The following STX7 variants were observed in gnomAD, a reference collection of about 807,000 sequenced individuals.
STX7 encodes syntaxin-7.
STX7 carries 34 observed loss-of-function variants against 39.6 expected under a neutral mutation model. The ratio of observed to expected loss-of-function variants is 0.86; its 90% confidence interval spans 0.65 to 1.14. STX7 has a LOEUF of 1.14. STX7 is among the 50% of genes most tolerant of loss of function. The pLI is 0.00. For synonymous variants in STX7, 119 were observed against 99.1 expected (o/e 1.20, Z -1.19); for missense variants, 284 against 310.4 (o/e 0.92, Z 0.64).
At chr6:132,478,137 T>A (rs1423998632) in intron 2 of STX7, among the ~76,000 whole-genome samples, 2 of 151,850 alleles carry the variant, frequency 1.3e-5, no homozygotes, top group Non-Finnish European at 2.9e-5. Context: ...CACGTGTATA[T>A]CTATATAACA....
chr6:132,491,679 T>G (rs949618829), intron 2 of STX7, among the ~76,000 whole-genome samples: 2 of 152,094 alleles, frequency 1.3e-5, no homozygotes, highest in Non-Finnish European at 2.9e-5. Flanking sequence ...GATTCTGTCC[T>G]CCACCCTCCC....
chr6:132,509,944 T>C (rs6931831), intron 1 of STX7, among the ~76,000 whole-genome samples: 12,279 of 152,244 alleles, frequency 0.081, 663 homozygotes, highest in East Asian at 0.16. Context: ...TTGAATACTT[T>C]TGAAAGCCCA....
intron 1 of STX7, among the ~76,000 whole-genome samples, chr6:132,506,696 A>T (rs576306849): frequency 6.6e-6 from 1 of 152,324 alleles, no homozygotes; most frequent in South Asian, 2.1e-4. Flanking sequence ...TGAGACTGTA[A>T]AGTAGTACAA....
chr6:132,503,313 G>A (rs118170658), intron 2 of STX7, 133 bp downstream of exon 2: 435 of 660,986 alleles, frequency 6.6e-4, no homozygotes, highest in Non-Finnish European at 1.0e-3. Context: ...TAAAGAGTTC[G>A]AGCCCTTTAA....
At chr6:132,492,854 C>G (rs1309563081) in intron 2 of STX7, among the ~76,000 whole-genome samples, 1 of 152,168 alleles carries the variant, frequency 6.6e-6, no homozygotes, top group African/African-American at 2.4e-5. Flanking sequence ...GATTATTGAA[C>G]AAAGCAGGGT....
intron 8 of STX7, 85 bp from the exon 9 acceptor site, chr6:132,464,160 G>T: frequency 7.9e-7 from 1 of 1,271,796 alleles, no homozygotes; most frequent in Non-Finnish European, 1.1e-6. Context: ...TTCAAGGTAA[G>T]ATTAAATATG....
intron 1 of STX7, among the ~76,000 whole-genome samples, chr6:132,509,024 T>A (rs748321511): frequency 1.5e-4 from 23 of 152,208 alleles, no homozygotes; most frequent in Non-Finnish European, 3.2e-4. Context: ...ATGAAGAAAC[T>A]GAGGCATATC....
At chr6:132,466,507 T>C (rs1235971556) in intron 8 of STX7, among the ~76,000 whole-genome samples, 3 of 152,172 alleles carry the variant, frequency 2.0e-5, no homozygotes, top group East Asian at 3.8e-4. Context: ...CCATAAACCA[T>C]ACATAAATGA....
chr6:132,470,453 A>G (rs575743969), intron 6 of STX7, 121 bp downstream of exon 6: 46 of 631,802 alleles, frequency 7.3e-5, no homozygotes, highest in African/African-American at 4.9e-4. Context: ...TTTTCAACAT[A>G]TAAACAACTT....
chr6:132,466,192 T>C (rs985263441), intron 8 of STX7, among the ~76,000 whole-genome samples: 1 of 152,206 alleles, frequency 6.6e-6, no homozygotes, highest in Non-Finnish European at 1.5e-5. Flanking sequence ...TACACACTGT[T>C]AAATCCAGTA....
intron 1 of STX7, among the ~76,000 whole-genome samples, chr6:132,505,852 G>A (rs925485280): frequency 2.0e-4 from 30 of 151,322 alleles, no homozygotes; most frequent in African/African-American, 7.0e-4. Flanking sequence ...TACTAAAAGG[G>A]TATAGTAACT....
At chr6:132,505,770 G>GT in intron 1 of STX7, among the ~76,000 whole-genome samples, 1 of 121,156 alleles carries the variant, frequency 8.3e-6, no homozygotes, top group Non-Finnish European at 1.7e-5. Context: ...AAAAACACAG[G>GT]TTTTGAATAG....
chr6:132,485,783 T>C (rs1315523679), intron 2 of STX7, among the ~76,000 whole-genome samples: 4 of 152,230 alleles, frequency 2.6e-5, no homozygotes, highest in Non-Finnish European at 5.9e-5. Flanking sequence ...TTATGTCCTA[T>C]TTGTCATCTG....
Position 132,472,361 on chromosome 6 carries a change from T to C in STX7, c.170A>G (p.Gln57Arg), listed in dbSNP as rs761610600. 9.3e-5 allele frequency: 150 copies of C among 1,612,006 alleles called. No homozygotes were observed. The highest frequency in any genetic ancestry group is 1.2e-4 in the Non-Finnish European group (146 of 1,179,478). ...ELRQQLQQKQQYTNQLAKETD... is the reference protein window; with the variant it reads ...ELRQQLQQKQRYTNQLAKETD... ...TTCTTTGGCAAGCTGGTTAGTATAC[T>C]GCTGCTTCTGTTGCCTAAAGTGAGA... The change falls in exon 4 of 10, where the codon CAG becomes CGG. Residue 57 changes from glutamine to arginine, a missense_variant. Physicochemically the swap from Gln to Arg is conservative, Grantham distance 43. Transcript: ENST00000367941.
chr6:132,490,860 TGGG>T (rs1775262509), intron 2 of STX7, among the ~76,000 whole-genome samples: 1 of 152,018 alleles, frequency 6.6e-6, no homozygotes, highest in Non-Finnish European at 1.5e-5. Context: ...CTGTGCATCT[TGGG>T]GCCGATGAAG....
At position 132,475,567 on chromosome 6, in the gene STX7, TTTTA is replaced by T. The variant is rs760379682; in HGVS notation, c.155+22_155+25del. ...ATAGCAATAGAGTTTTTTCTTTCTCTTTTATTTATTTAACTAGATACTTACAACT... is the reference window on the plus strand; with the variant it reads ...ATAGCAATAGAGTTTTTTCTTTCTCTTTTATTTAACTAGATACTTACAACT... On this transcript the variant is annotated intron_variant, in intron 3 of 9. Transcript: ENST00000367941. The T allele has an allele frequency of 5.6e-5, 85 of 1,527,044 alleles. No individual in the cohort carries two copies. The African/African-American group carries it at 9.7e-4, about 17-fold the overall frequency. The allele number at this position is 1,527,044 out of a possible 1,614,324, so 94.6% of individuals were successfully genotyped here.
intron 2 of STX7, among the ~76,000 whole-genome samples, chr6:132,478,058 G>T (rs538766196): frequency 7.7e-4 from 116 of 151,002 alleles, no homozygotes; most frequent in African/African-American, 2.7e-3. Flanking sequence ...TAAGAAAGAG[G>T]GAGCAATAGT....
At chr6:132,469,662 A>T (rs949034679) in intron 7 of STX7, among the ~76,000 whole-genome samples, 2 of 152,036 alleles carry the variant, frequency 1.3e-5, no homozygotes, top group Non-Finnish European at 1.5e-5. Context: ...ACATGGTGAA[A>T]CCCTTTCTCT....
At chr6:132,486,094 G>A (rs1775125836) in intron 2 of STX7, among the ~76,000 whole-genome samples, 1 of 152,034 alleles carries the variant, frequency 6.6e-6, no homozygotes, top group African/African-American at 2.4e-5. Flanking sequence ...TATTCTAGCA[G>A]GCTTTTTTAA....
Sources: gnomAD v4.1 joint callset for allele counts (sites outside exome capture counted in the v4.1 genomes callset) on GRCh38, gnomAD v4.1.1 for gene constraint, MANE v1.5 for transcripts, NCBI Gene and HGNC (gene_info 2026-07-23, HGNC 2026-07-21) for gene names.